CCDC158: variants seen among roughly 807,000 people sequenced by gnomAD.
CCDC158 encodes the protein coiled-coil domain-containing protein 158.
In CCDC158, 116 loss-of-function variants were observed where a neutral mutation model predicts 138.6. That is an observed-to-expected ratio of 0.84 (90% CI 0.72 to 0.98). CCDC158 has a LOEUF of 0.98. Ranked by LOEUF, CCDC158 falls within the 50% of genes least tolerant of loss-of-function variation. CCDC158 has a pLI of 0.00. For missense variants in CCDC158, 1,265 were observed against 1,306.1 expected (o/e 0.97, Z 0.48); for synonymous variants, 436 against 442.4 (o/e 0.99, Z 0.18).
At chr4:76,355,246 C>T in intron 15 of CCDC158, 78 bp downstream of exon 15, 1 of 914,858 alleles carries the variant, frequency 1.1e-6, no homozygotes, top group Non-Finnish European at 1.8e-6. Context: ...ACTTGCATCT[C>T]TGCTTCATCT....
intron 24 of CCDC158, among the ~76,000 whole-genome samples, chr4:76,323,053 T>A (rs966833703): frequency 6.6e-6 from 1 of 152,180 alleles, no homozygotes; most frequent in African/African-American, 2.4e-5. Flanking sequence ...AAACCACTCC[T>A]CCTGAGGGAT....
chr4:76,385,559 A>C (rs1434251190), intron 4 of CCDC158, among the ~76,000 whole-genome samples: 1 of 152,208 alleles, frequency 6.6e-6, no homozygotes, highest in Admixed American at 6.5e-5. Flanking sequence ...GTTGCAAGTC[A>C]AGAAATTTCC....
chr4:76,351,568 T>C, intron 17 of CCDC158, 152 bp downstream of exon 17: 3 of 607,774 alleles, frequency 4.9e-6, no homozygotes, highest in Admixed American at 2.8e-5. Context: ...AGGTATAGTA[T>C]ATAACAATGT....
chr4:76,378,709 G>T (rs1439537817), intron 9 of CCDC158, among the ~76,000 whole-genome samples: 6 of 152,006 alleles, frequency 3.9e-5, no homozygotes, highest in African/African-American at 1.5e-4. Context: ...TCTAAACTCT[G>T]GATAAACAGA....
At chr4:76,342,335 C>T (rs545288357) in intron 18 of CCDC158, among the ~76,000 whole-genome samples, 2 of 152,290 alleles carry the variant, frequency 1.3e-5, no homozygotes, top group African/African-American at 4.8e-5. Flanking sequence ...ACCACAGTGC[C>T]CAGACTCAAG....
At chr4:76,320,964 G>C (rs1719937270) in intron 24 of CCDC158, among the ~76,000 whole-genome samples, 1 of 152,178 alleles carries the variant, frequency 6.6e-6, no homozygotes, top group Non-Finnish European at 1.5e-5. Context: ...AAGCAGCAGA[G>C]TAAACAGACA....
chr4:76,375,321 T>C (rs1295922973), intron 9 of CCDC158: 5 of 402,356 alleles, frequency 1.2e-5, no homozygotes, highest in Non-Finnish European at 1.8e-5. Context: ...TTAGAGATAT[T>C]GCCAATCATA....
At chr4:76,403,893 G>A (rs1728607474) in intron 2 of CCDC158, among the ~76,000 whole-genome samples, 1 of 152,096 alleles carries the variant, frequency 6.6e-6, no homozygotes, top group Non-Finnish European at 1.5e-5. Flanking sequence ...AAGCCTAGGG[G>A]TACAGAAAAT....
intron 15 of CCDC158, among the ~76,000 whole-genome samples, 156 bp from the exon 16 acceptor site, chr4:76,353,437 G>T (rs1723243321): frequency 6.6e-6 from 1 of 152,090 alleles, no homozygotes; most frequent in African/African-American, 2.4e-5. Context: ...GGGAGCTGCT[G>T]GGAGTATGTT....
At position 76,384,124 on chromosome 4, in the gene CCDC158, G is replaced by C. The variant is rs28756797; in HGVS notation, c.690C>G (p.Asp230Glu). Residue 230 changes from aspartate to glutamate, a missense_variant, in exon 6 of 25, where the codon GAC becomes GAG. By Grantham distance (45) the Asp-to-Glu change is conservative (BLOSUM62 2). Transcript: ENST00000682701. ...TCCCTTTAAGATAAGAAATCTCTGT[G>C]TCTAATTCTCTTAGTATTTTACTAA... ...SAISKILRELDTEISYLKGRI... is the reference protein window; with the variant it reads ...SAISKILRELETEISYLKGRI... 1 of 1,612,026 alleles carries C rather than the reference G, an allele frequency of 6.2e-7. No homozygotes were observed. Among genetic ancestry groups the C allele is most frequent in the Non-Finnish European group, 8.5e-7 (1 of 1,178,826 alleles).
intron 7 of CCDC158, among the ~76,000 whole-genome samples, chr4:76,383,416 G>A (rs946547949): frequency 4.6e-5 from 7 of 152,140 alleles, no homozygotes; most frequent in African/African-American, 1.7e-4. Context: ...TGTATTGGGA[G>A]CTGAGCTTAA....
chr4:76,379,232 TA>T, intron 9 of CCDC158, 57 bp downstream of exon 9: 4 of 916,466 alleles, frequency 4.4e-6, no homozygotes, highest in Non-Finnish European at 6.6e-6. Context: ...ATTACTAATA[TA>T]ATATTGATTC....
chr4:76,421,482 T>A (rs891287457), upstream of CCDC158, among the ~76,000 whole-genome samples: 12 of 151,842 alleles, frequency 7.9e-5, no homozygotes, highest in African/African-American at 2.4e-4. Context: ...TCCCACAGCC[T>A]CCTAACTGGT....
At chr4:76,337,743 A>G (rs1192791458) in intron 18 of CCDC158, among the ~76,000 whole-genome samples, 1 of 152,134 alleles carries the variant, frequency 6.6e-6, no homozygotes, top group Non-Finnish European at 1.5e-5. Flanking sequence ...AAGAAAAAAA[A>G]AAAAGAAGAA....
chr4:76,366,342 C>A (rs907448), intron 12 of CCDC158, among the ~76,000 whole-genome samples: 4,050 of 152,174 alleles, frequency 0.027, 175 homozygotes, highest in African/African-American at 0.092. Flanking sequence ...GGATAATTAT[C>A]TATTGCTGGC....
intron 9 of CCDC158, among the ~76,000 whole-genome samples, chr4:76,378,471 G>A (rs72862972): frequency 1.4e-3 from 210 of 152,258 alleles, no homozygotes; most frequent in African/African-American, 4.8e-3. Flanking sequence ...TAGGTAGGAT[G>A]ACTAAATATA....
At chr4:76,369,319 AT>A in intron 11 of CCDC158, 106 bp downstream of exon 11, 1 of 999,974 alleles carries the variant, frequency 1.0e-6, no homozygotes. Flanking sequence ...TTTAGGAGCC[AT>A]TTTAGGTCCA....
chr4:76,371,939 CA>C (rs539607968), intron 9 of CCDC158, among the ~76,000 whole-genome samples: 2,458 of 65,434 alleles, frequency 0.038, 15 homozygotes, highest in Non-Finnish European at 0.048. Flanking sequence ...ACTACATCTC[CA>C]AAAAAAAAAA....
intron 18 of CCDC158, among the ~76,000 whole-genome samples, chr4:76,347,563 G>A (rs1722678525): frequency 1.3e-5 from 2 of 152,128 alleles, no homozygotes; most frequent in African/African-American, 4.8e-5. Flanking sequence ...GTCAGGGTGT[G>A]AGGGGCTAGG....
Sources: gnomAD v4.1 joint callset for allele counts (sites outside exome capture counted in the v4.1 genomes callset) on GRCh38, gnomAD v4.1.1 for gene constraint, MANE v1.5 for transcripts, NCBI Gene and HGNC (gene_info 2026-07-23, HGNC 2026-07-21) for gene names.